SEC24B: variants seen among roughly 807,000 people sequenced by gnomAD.
SEC24B encodes SEC24 homolog B, COPII component, also known as protein transport protein Sec24B.
In SEC24B, 45 loss-of-function variants were observed where a neutral mutation model predicts 142.8. That is an observed-to-expected ratio of 0.32 (90% CI 0.25 to 0.40). The LOEUF is 0.40. Ranked by LOEUF, SEC24B falls within the 10% of genes least tolerant of loss-of-function variation. The pLI is 1.00. For missense variants in SEC24B, 1,409 were observed against 1,526.8 expected (o/e 0.92, Z 1.29); for synonymous variants, 574 against 568.2 (o/e 1.01, Z -0.15).
At chr4:109,469,452 T>C (rs987951208) in intron 2 of SEC24B, among the ~76,000 whole-genome samples, 1 of 152,210 alleles carries the variant, frequency 6.6e-6, no homozygotes, top group Non-Finnish European at 1.5e-5. Flanking sequence ...GAGAAGCAAG[T>C]ATTATCCAGA....
intron 4 of SEC24B, among the ~76,000 whole-genome samples, chr4:109,489,573 C>T (rs1174505264): frequency 8.3e-6 from 1 of 119,794 alleles, no homozygotes; most frequent in Non-Finnish European, 1.8e-5. Flanking sequence ...TTTCCCCTCC[C>T]CTCAGCCTGG....
chr4:109,507,278 C>CTT (rs34809833), intron 7 of SEC24B, among the ~76,000 whole-genome samples: 4 of 139,394 alleles, frequency 2.9e-5, no homozygotes, highest in Non-Finnish European at 1.6e-5. Flanking sequence ...CATTGTCTTC[C>CTT]TTTTTTTTTT....
At chr4:109,475,167 A>T (rs915790211) in intron 3 of SEC24B, among the ~76,000 whole-genome samples, 4 of 152,380 alleles carry the variant, frequency 2.6e-5, no homozygotes, top group South Asian at 4.1e-4. Context: ...CTTAAGTAAC[A>T]GAAAATATCA....
intron 1 of SEC24B, among the ~76,000 whole-genome samples, chr4:109,461,759 A>G (rs1479596099): frequency 1.3e-5 from 2 of 152,156 alleles, no homozygotes; most frequent in African/African-American, 4.8e-5. Flanking sequence ...TATTGTTTGA[A>G]TTTTTTCTAC....
intron 22 of SEC24B, among the ~76,000 whole-genome samples, chr4:109,534,357 C>G (rs555369006): frequency 6.6e-6 from 1 of 151,914 alleles, no homozygotes; most frequent in East Asian, 1.9e-4. Flanking sequence ...GAGGCAGAGG[C>G]AGGCAGATCA....
intron 18 of SEC24B, among the ~76,000 whole-genome samples, chr4:109,528,312 A>G (rs1724488345): frequency 6.6e-6 from 1 of 151,688 alleles, no homozygotes; most frequent in African/African-American, 2.4e-5. Context: ...TGTAATCCCA[A>G]CTACTTGGGA....
chr4:109,485,370 A>G (rs1291050771), intron 4 of SEC24B, among the ~76,000 whole-genome samples: 1 of 152,252 alleles, frequency 6.6e-6, no homozygotes, highest in Non-Finnish European at 1.5e-5. Context: ...TAGAGATTCA[A>G]ACTGAGGTCT....
rs191887757 is a variant in SEC24B, at chr4:109,437,713, C to A, written c.133+3711C>A. Among the ~76,000 whole-genome samples, 11 of 152,314 alleles carry A rather than the reference C, an allele frequency of 7.2e-5. No homozygotes were observed. In the East Asian group the frequency reaches 2.1e-3, roughly 29 times the overall value. On this transcript the variant is annotated intron_variant, in intron 1 of 23. Coordinates refer to ENST00000265175, the MANE Select transcript of SEC24B (RefSeq NM_006323.5). ...GATCTCAGCTCACTGCAACCTCCAC[C>A]TCCTGGGTTCAAGCGATTCTCCTGC...
At chr4:109,470,599 T>C (rs1041971066) in intron 2 of SEC24B, among the ~76,000 whole-genome samples, 24 of 152,216 alleles carry the variant, frequency 1.6e-4, no homozygotes, top group African/African-American at 5.8e-4. Context: ...CACCTATGTA[T>C]AGAAGCTCTG....
In SEC24B at chr4:109,526,499, G is replaced by A. The variant is rs929927410; in HGVS notation, c.2965+100G>A. 2.2e-5 allele frequency: 17 copies of A among 776,170 alleles called. No homozygotes were observed. The African/African-American group carries it at 2.7e-4, about 12-fold the overall frequency. 48.1% of individuals were successfully genotyped at this position (776,170 alleles called of 1,614,324 possible). A position where few individuals can be genotyped will look rare whatever the true frequency, so the allele number is the denominator to read the frequency against. On this transcript the variant is annotated intron_variant, in intron 17 of 23. Coordinates refer to ENST00000265175, the MANE Select transcript of SEC24B (RefSeq NM_006323.5). ...GGGAAAAAGAATGAATACACAGTGG[G>A]AAGTAATGGAATTTGTATTAGTTAA...
intron 2 of SEC24B, among the ~76,000 whole-genome samples, chr4:109,464,324 C>T (rs1731633599): frequency 6.7e-6 from 1 of 148,748 alleles, no homozygotes; most frequent in East Asian, 2.0e-4. Flanking sequence ...CAGGGTCTCA[C>T]TTTATCACCC....
chr4:109,515,353 A>G (rs1184360921), intron 10 of SEC24B, among the ~76,000 whole-genome samples: 1 of 152,166 alleles, frequency 6.6e-6, no homozygotes, highest in Non-Finnish European at 1.5e-5. Context: ...CACCGGCCTC[A>G]GCCTCCCAAA....
chr4:109,531,654 A>C, intron 20 of SEC24B, 132 bp downstream of exon 20: 1 of 613,308 alleles, frequency 1.6e-6, no homozygotes, highest in East Asian at 2.8e-5. Flanking sequence ...GTAGTAATAC[A>C]TTAAATAAGG....
intron 17 of SEC24B, among the ~76,000 whole-genome samples, chr4:109,526,733 G>A (rs1192173277): frequency 6.6e-6 from 1 of 152,170 alleles, no homozygotes; most frequent in African/African-American, 2.4e-5. Flanking sequence ...TTTGTTACTT[G>A]ACAGTTAAGT....
intron 19 of SEC24B, 103 bp downstream of exon 19, chr4:109,530,567 G>A: frequency 1.1e-6 from 1 of 924,584 alleles, no homozygotes; most frequent in South Asian, 1.8e-5. Context: ...TTAACTAGAG[G>A]ATTATTCACT....
At chr4:109,532,834 A>G in intron 21 of SEC24B, 91 bp downstream of exon 21, 2 of 645,432 alleles carry the variant, frequency 3.1e-6, no homozygotes, top group Non-Finnish European at 5.6e-6. Context: ...TCACAGAGCA[A>G]GTAGTGAAAG....
intron 2 of SEC24B, among the ~76,000 whole-genome samples, chr4:109,465,815 CTGTT>C (rs766550215): frequency 1.3e-5 from 2 of 152,144 alleles, no homozygotes; most frequent in Admixed American, 6.5e-5. Context: ...AAACTATTCT[CTGTT>C]TGAGTAACTG....
chr4:109,471,791 A>C (rs1732550428), intron 2 of SEC24B, among the ~76,000 whole-genome samples: 1 of 152,088 alleles, frequency 6.6e-6, no homozygotes, highest in South Asian at 2.1e-4. Flanking sequence ...TCCATGCAGC[A>C]TTTCAGAGTG....
chr4:109,458,697 A>G (rs1338505899), intron 1 of SEC24B, among the ~76,000 whole-genome samples: 2 of 152,244 alleles, frequency 1.3e-5, no homozygotes, highest in African/African-American at 4.8e-5. Context: ...CATTTAAAAG[A>G]TACATTATAA....
Sources: allele counts gnomAD v4.1 joint callset (sites outside exome capture counted in the v4.1 genomes callset), GRCh38; gene constraint gnomAD v4.1.1; transcripts MANE v1.5; gene names NCBI Gene and HGNC (gene_info 2026-07-23, HGNC 2026-07-21).